The following LRCH3 variants were observed in gnomAD, a reference collection of about 807,000 sequenced individuals.
LRCH3 encodes the protein leucine rich repeats and calponin homology domain containing 3.
In LRCH3, 68 loss-of-function variants were observed where a neutral mutation model predicts 104.5. That is an observed-to-expected ratio of 0.65 (90% CI 0.54 to 0.80). The LOEUF (loss-of-function observed/expected upper bound fraction) is 0.80, where lower values mean the gene tolerates loss of function less well. Among genes scored for constraint, LRCH3 ranks in the 30% least tolerant of loss-of-function variants. LRCH3 has a pLI of 0.00. For synonymous variants in LRCH3, 344 were observed against 361.3 expected (o/e 0.95, Z 0.54); for missense variants, 951 against 953.9 (o/e 1.00, Z 0.04).
chr3:197,817,535 G>A lies in LRCH3; in HGVS notation c.534+233G>A, dbSNP rs556661678. Among the ~76,000 whole-genome samples the A allele has an allele frequency of 2.1e-3, 321 of 151,142 alleles. 1 individual carries two copies. Among genetic ancestry groups the A allele is most frequent in the Non-Finnish European group, 3.3e-3 (226 of 67,844 alleles). ...TCAAGTGGTTGGCACACAGAATTAAGAACGGAAAGTACAAGCCTAATTGGC... is the reference window on the plus strand; with the variant it reads ...TCAAGTGGTTGGCACACAGAATTAAAAACGGAAAGTACAAGCCTAATTGGC... On this transcript the variant is annotated intron_variant, in intron 3 of 20. Coordinates refer to ENST00000425562, the MANE Select transcript of LRCH3 (RefSeq NM_001365715.1).
chr3:197,805,053 C>T (rs1732318902), intron 1 of LRCH3, among the ~76,000 whole-genome samples: 2 of 152,130 alleles, frequency 1.3e-5, no homozygotes, highest in South Asian at 4.1e-4. Flanking sequence ...TGCCACCACA[C>T]CTGGCTAATT....
At chr3:197,845,129 G>C (rs182799613) in intron 10 of LRCH3, among the ~76,000 whole-genome samples, 31 of 152,242 alleles carry the variant, frequency 2.0e-4, no homozygotes, top group Non-Finnish European at 3.5e-4. Flanking sequence ...TGTAAAAAGA[G>C]GGTAAATGAA....
chr3:197,835,624 G>GT (rs753448000), intron 8 of LRCH3, 50 bp from the exon 9 acceptor site: 9 of 1,399,766 alleles, frequency 6.4e-6, no homozygotes, highest in South Asian at 3.3e-5. Context: ...TAATTTGAAT[G>GT]TTTTTTTCTG....
At chr3:197,807,239 C>T (rs1451676003) in intron 1 of LRCH3, among the ~76,000 whole-genome samples, 5 of 142,550 alleles carry the variant, frequency 3.5e-5, no homozygotes, top group South Asian at 2.3e-4. Flanking sequence ...TTTTTTGAGA[C>T]GGAGTCTCGT....
intron 1 of LRCH3, among the ~76,000 whole-genome samples, chr3:197,796,056 G>A (rs1006280113): frequency 8.5e-5 from 13 of 152,128 alleles, no homozygotes; most frequent in Non-Finnish European, 7.4e-5. Context: ...ATATTGTGGT[G>A]AGACAAATTT....
chr3:197,809,350 A>G (rs187496855), intron 1 of LRCH3, among the ~76,000 whole-genome samples: 216 of 151,486 alleles, frequency 1.4e-3, no homozygotes, highest in African/African-American at 4.1e-3. Context: ...AAGTTTGGCT[A>G]TAGTGTGTCT....
intron 4 of LRCH3, among the ~76,000 whole-genome samples, chr3:197,821,490 C>G (rs1734485124): frequency 6.6e-6 from 1 of 152,174 alleles, no homozygotes; most frequent in Non-Finnish European, 1.5e-5. Context: ...GTCATCAGCT[C>G]ATGGCAAGTC....
intron 20 of LRCH3, chr3:197,881,261 C>T: frequency 3.0e-6 from 3 of 997,046 alleles, no homozygotes; most frequent in Non-Finnish European, 3.6e-6. Flanking sequence ...TCGGTAGGCA[C>T]AGGTCCATAT....
chr3:197,794,096 A>G (rs1005170970), intron 1 of LRCH3, among the ~76,000 whole-genome samples: 2 of 152,092 alleles, frequency 1.3e-5, no homozygotes, highest in African/African-American at 4.8e-5. Flanking sequence ...ACCACTATAT[A>G]GTATCACTGG....
At position 197,866,380 on chromosome 3, in the gene LRCH3, A is replaced by G. The variant is rs935267063; in HGVS notation, c.1873+161A>G. ...ATCTCACTGATACTAAAGCAGGAAA[A>G]TCTTATCTGAATTTGTTTGGATGAG... is the stretch of plus-strand genomic sequence containing the variant. On this transcript the variant is annotated intron_variant, in intron 17 of 20. Coordinates refer to ENST00000425562, the MANE Select transcript of LRCH3 (RefSeq NM_001365715.1). 9.8e-5 allele frequency among the ~76,000 whole-genome samples: 15 copies of G among 152,332 alleles called. No homozygotes were observed. In the South Asian group the frequency reaches 3.1e-3, roughly 32 times the overall value.
intron 1 of LRCH3, among the ~76,000 whole-genome samples, chr3:197,794,628 A>G (rs935797994): frequency 6.6e-6 from 1 of 152,238 alleles, no homozygotes; most frequent in Non-Finnish European, 1.5e-5. Flanking sequence ...AGGGAACAGC[A>G]TATATTGCCC....
At chr3:197,831,106 A>T (rs1299994679) in intron 7 of LRCH3, 1 of 371,988 alleles carries the variant, frequency 2.7e-6, no homozygotes, top group Non-Finnish European at 5.0e-6. Flanking sequence ...TATCATAGAA[A>T]GGCAAACAGG....
In LRCH3 at chr3:197,866,273, G is replaced by T. The variant is rs903236628; in HGVS notation, c.1873+54G>T. The T allele has an allele frequency of 2.4e-6, 3 of 1,253,336 alleles. No homozygotes were observed. In the African/African-American group the frequency reaches 4.4e-5, roughly 19 times the overall value. The allele number at this position is 1,253,336 out of a possible 1,614,324, so 77.6% of individuals were successfully genotyped here. Reference sequence around the variant, plus strand: ...AGCGAGGGGAGGTTTACACAACGACGCTAGCTGTTAGATGGATGCTTTTAA... The same window carrying T: ...AGCGAGGGGAGGTTTACACAACGACTCTAGCTGTTAGATGGATGCTTTTAA... On this transcript the variant is annotated intron_variant, in intron 17 of 20. Transcript: ENST00000425562.
intron 19 of LRCH3, 115 bp from the exon 20 acceptor site, chr3:197,875,583 G>A: frequency 1.5e-6 from 1 of 681,940 alleles, no homozygotes; most frequent in Non-Finnish European, 2.5e-6. Context: ...GAGCCTGGGA[G>A]GTCAATGATA....
intron 10 of LRCH3, 92 bp downstream of exon 10, chr3:197,839,489 GA>G (rs1737470014): frequency 1.4e-6 from 1 of 701,230 alleles, no homozygotes; most frequent in African/African-American, 1.9e-5. Context: ...GTGTAATAAA[GA>G]TGTTTACATG....
intron 20 of LRCH3, chr3:197,880,579 T>C (rs1713668722): frequency 6.5e-7 from 1 of 1,536,496 alleles, no homozygotes; most frequent in Non-Finnish European, 8.7e-7. Context: ...GTTGAAACGC[T>C]CCTTTCTCTT....
intron 15 of LRCH3, among the ~76,000 whole-genome samples, chr3:197,863,433 G>T (rs9829063): frequency 0.2 from 30,973 of 151,834 alleles, 4,827 homozygotes; most frequent in African/African-American, 0.44. Context: ...CCTAATTTTT[G>T]TATTTTTAGT....
intron 1 of LRCH3, among the ~76,000 whole-genome samples, chr3:197,792,070 C>T (rs533141593): frequency 9.9e-5 from 15 of 151,658 alleles, no homozygotes; most frequent in Non-Finnish European, 1.8e-4. Flanking sequence ...TTAAAGTGAA[C>T]CCGAGAGAAG....
chr3:197,847,686 A>G (rs1313480936), intron 11 of LRCH3, among the ~76,000 whole-genome samples, 186 bp from the exon 12 acceptor site: 10 of 608 alleles, frequency 0.016, no homozygotes, highest in African/African-American at 0.02. Flanking sequence ...TGGTGCACCA[A>G]CCTAATACAT....
Sources: allele counts gnomAD v4.1 joint callset (sites outside exome capture counted in the v4.1 genomes callset), GRCh38; gene constraint gnomAD v4.1.1; transcripts MANE v1.5; gene names NCBI Gene and HGNC (gene_info 2026-07-23, HGNC 2026-07-21).